The following FARP2 variants were observed in gnomAD, a reference collection of about 807,000 sequenced individuals.
FARP2 encodes FERM, ARHGEF and pleckstrin domain-containing protein 2.
In FARP2, 111 loss-of-function variants were observed where a neutral mutation model predicts 130.5. The ratio of observed to expected loss-of-function variants is 0.85; its 90% CI spans 0.73 to 1.00. The LOEUF (loss-of-function observed/expected upper bound fraction) is 1.00, where lower values mean the gene tolerates loss of function less well. FARP2 is among the 50% of genes least tolerant of loss of function. The pLI is 0.00. For synonymous variants in FARP2, 504 were observed against 516.9 expected (o/e 0.98, Z 0.34); for missense variants, 1,385 against 1,346.3 (o/e 1.03, Z -0.45).
At chr2:241,466,040 T>C (rs1021718561) in intron 17 of FARP2, 66 of 1,265,722 alleles carry the variant, frequency 5.2e-5, no homozygotes, top group Non-Finnish European at 6.4e-5. Flanking sequence ...ATTATCATAC[T>C]GTAGTCATCT....
In FARP2 at chr2:241,493,302, C is replaced by T. The variant is rs1458535880; in HGVS notation, c.2905C>T (p.Pro969Ser). The change falls in exon 26 of 27, where the codon CCA becomes TCA. Residue 969 changes from proline to serine, a missense_variant. Coordinates refer to ENST00000264042, the MANE Select transcript of FARP2 (RefSeq NM_014808.4). ...FFYKTHQDDYPLASLPLLGYS... is the reference protein window; with the variant it reads ...FFYKTHQDDYSLASLPLLGYS... Reference sequence around the variant, plus strand: ...CTATGCTGTCTTGCAGGATGACTACCCACTGGCCAGCCTCCCGCTGCTGGG... The same window carrying T: ...CTATGCTGTCTTGCAGGATGACTACTCACTGGCCAGCCTCCCGCTGCTGGG... 6.2e-7 allele frequency: 1 copy of T among 1,613,698 alleles called. No homozygotes were observed. The highest frequency in any genetic ancestry group is 8.5e-7 in the Non-Finnish European group (1 of 1,179,984).
At chr2:241,417,440 C>T (rs1034037559) in intron 7 of FARP2, among the ~76,000 whole-genome samples, 5 of 152,234 alleles carry the variant, frequency 3.3e-5, no homozygotes, top group Admixed American at 3.3e-4. Context: ...GGCTGAAGTG[C>T]AGTGGCATGA....
At chr2:241,385,190 G>A (rs2061755902) in intron 2 of FARP2, among the ~76,000 whole-genome samples, 1 of 152,076 alleles carries the variant, frequency 6.6e-6, no homozygotes, top group Admixed American at 6.5e-5. Flanking sequence ...GAACACTAGA[G>A]GAGGGCAAAC....
At chr2:241,375,768 T>G (rs1480427646) in intron 2 of FARP2, among the ~76,000 whole-genome samples, 1 of 152,078 alleles carries the variant, frequency 6.6e-6, no homozygotes, top group Non-Finnish European at 1.5e-5. Context: ...GGGTACTTTT[T>G]TTTTTTAAGA....
At position 241,403,886 on chromosome 2, in the gene FARP2, A is replaced by C. The variant is rs2062260469; in HGVS notation, c.242A>C (p.Glu81Ala). The change falls in exon 3 of 27, where the codon GAA becomes GCA. Residue 81 changes from glutamate (E) to alanine (A), a missense_variant. Coordinates refer to ENST00000264042, the MANE Select transcript of FARP2 (RefSeq NM_014808.4). The part of the protein sequence containing the change: ...TQVWKRLNLV[E>A]CDYFGMEFQN... ...GTGTGGAAGCGTTTAAACCTGGTAG[A>C]ATGTGACTACTTCGGGATGGAGTTT... 1.2e-6 allele frequency: 2 copies of C among 1,613,766 alleles called. No individual in the cohort carries two copies. The highest frequency in any genetic ancestry group is 1.7e-6 in the Non-Finnish European group (2 of 1,179,764).
chr2:241,390,138 G>A (rs74522702), intron 2 of FARP2, among the ~76,000 whole-genome samples: 1 of 152,334 alleles, frequency 6.6e-6, no homozygotes, highest in East Asian at 1.9e-4. Context: ...TGGCCCCGTG[G>A]CATAGTGCTT....
At position 241,377,036 on chromosome 2, in the gene FARP2, G is replaced by A. The variant is rs2061550275; in HGVS notation, c.183+3746G>A. Among the ~76,000 whole-genome samples, 3 of 152,288 alleles carry A rather than the reference G, an allele frequency of 2.0e-5. No homozygotes were observed. The South Asian group carries it at 6.2e-4, about 32-fold the overall frequency. On this transcript the variant is annotated intron_variant, in intron 2 of 26. Coordinates refer to ENST00000264042, the MANE Select transcript of FARP2 (RefSeq NM_014808.4). The stretch of plus-strand genomic sequence containing the variant: ...AATGTTTTGAATTTTTCCCTCTATA[G>A]CAGTGTTTTCTAACCTCAGGAATTC...
intron 13 of FARP2, among the ~76,000 whole-genome samples, chr2:241,447,468 C>T (rs1389080190): frequency 1.3e-5 from 2 of 152,102 alleles, no homozygotes; most frequent in Admixed American, 6.5e-5. Context: ...GGAGGACGTG[C>T]CGTGCAGGCC....
intron 6 of FARP2, among the ~76,000 whole-genome samples, chr2:241,411,438 G>A (rs1021018817): frequency 5.3e-5 from 8 of 152,332 alleles, no homozygotes; most frequent in Middle Eastern, 3.4e-3. Context: ...CAGTCTAAGA[G>A]TCAGAATATA....
Position 241,411,130 on chromosome 2 carries a change from T to C in FARP2, c.508T>C (p.Ser170Pro), listed in dbSNP as rs2062507012. The C allele has an allele frequency of 6.2e-7, 1 of 1,602,240 alleles. No individual in the cohort carries two copies. The highest frequency in any genetic ancestry group is 8.5e-7 in the Non-Finnish European group (1 of 1,171,070). The part of the protein sequence containing the change: ...AALLTSHLLQ[S>P]EIGDYDETLD... Reference sequence around the variant, plus strand: ...CCTTCTCACGTCCCATCTCCTGCAGTGTGAGTATCTCCCCGCCAGCGGGGA... The same window carrying C: ...CCTTCTCACGTCCCATCTCCTGCAGCGTGAGTATCTCCCCGCCAGCGGGGA... The change falls in exon 6 of 27, where the codon TCG (serine) becomes CCG (proline). Residue 170 changes from serine to proline, a missense_variant and splice_region_variant. Physicochemically the swap from Ser to Pro is moderately conservative, Grantham distance 74. Transcript: ENST00000264042.
intron 21 of FARP2, among the ~76,000 whole-genome samples, chr2:241,486,770 C>G (rs1163357650): frequency 6.6e-6 from 1 of 152,218 alleles, no homozygotes; most frequent in African/African-American, 2.4e-5. Context: ...TTTGTCTGAG[C>G]AAAGGTGTTT....
chr2:241,357,719 A>G (rs1267917462), intron 1 of FARP2, among the ~76,000 whole-genome samples: 1 of 152,160 alleles, frequency 6.6e-6, no homozygotes, highest in East Asian at 1.9e-4. Context: ...CACTGTTAAC[A>G]AACTAAATGC....
intron 2 of FARP2, among the ~76,000 whole-genome samples, chr2:241,377,382 C>A (rs1489599417): frequency 6.6e-6 from 1 of 150,794 alleles, no homozygotes. Flanking sequence ...TCGCCCAGGC[C>A]GGACTGCGGA....
At chr2:241,381,375 C>T (rs531258442) in intron 2 of FARP2, among the ~76,000 whole-genome samples, 1 of 152,274 alleles carries the variant, frequency 6.6e-6, no homozygotes, top group South Asian at 2.1e-4. Context: ...GGACCGCTGA[C>T]TTTGAGAAGA....
At chr2:241,447,924 C>G (rs2063549067) in intron 13 of FARP2, among the ~76,000 whole-genome samples, 1 of 152,182 alleles carries the variant, frequency 6.6e-6, no homozygotes, top group Admixed American at 6.5e-5. Flanking sequence ...GGTGGTGGTG[C>G]CTCCCCGGGG....
intron 12 of FARP2, among the ~76,000 whole-genome samples, chr2:241,436,857 G>A (rs1206891594): frequency 2.0e-5 from 3 of 152,158 alleles, no homozygotes; most frequent in Non-Finnish European, 4.4e-5. Context: ...TGATGGTGGC[G>A]CACGGGTAGT....
intron 4 of FARP2, 92 bp downstream of exon 4, chr2:241,404,933 C>T: frequency 1.1e-6 from 1 of 926,964 alleles, no homozygotes; most frequent in Non-Finnish European, 1.8e-6. Context: ...TCATTCTCAC[C>T]ACCGTGTATG....
chr2:241,433,208 G>A (rs934546645), intron 9 of FARP2, among the ~76,000 whole-genome samples: 3 of 152,062 alleles, frequency 2.0e-5, no homozygotes, highest in Non-Finnish European at 2.9e-5. Context: ...TGAATAGGGC[G>A]ATAAGTCAAA....
intron 2 of FARP2, among the ~76,000 whole-genome samples, chr2:241,400,496 C>T (rs538649795): frequency 2.6e-5 from 4 of 152,124 alleles, no homozygotes; most frequent in Non-Finnish European, 5.9e-5. Flanking sequence ...GTTCTAGAGT[C>T]GAGTACCAAC....
Sources: gnomAD v4.1 joint callset for allele counts (sites outside exome capture counted in the v4.1 genomes callset) on GRCh38, gnomAD v4.1.1 for gene constraint, MANE v1.5 for transcripts, NCBI Gene and HGNC (gene_info 2026-07-23, HGNC 2026-07-21) for gene names.